The following BSG variants were observed in gnomAD, a reference collection of about 807,000 sequenced individuals.
BSG encodes the protein basigin (Ok blood group).
A neutral mutation model predicts 43.1 loss-of-function variants in BSG; 37 were observed. The observed-to-expected ratio is 0.86, with a 90% confidence interval of 0.66 to 1.13. The LOEUF is 1.13. Among genes scored for constraint, BSG ranks in the 50% most tolerant of loss-of-function variants. The pLI, the probability that BSG is intolerant of heterozygous loss-of-function variation, is 0.00. For synonymous variants in BSG, 309 were observed against 238.7 expected, an observed-to-expected ratio of 1.29 and a Z score of -2.72; for missense variants, 599 against 554.2, an observed-to-expected ratio of 1.08 and a Z score of -0.81.
At chr19:571,838 T>G, upstream of BSG, 1 of 531,668 alleles carries the variant, frequency 1.9e-6, no homozygotes, top group Non-Finnish European at 3.4e-6. Flanking sequence ...TGGCTAAAAC[T>G]TAAAACTTTT....
chr19:576,147 A>T (rs1981753218), intron 1 of BSG, among the ~76,000 whole-genome samples: 1 of 152,232 alleles, frequency 6.6e-6, no homozygotes, highest in Non-Finnish European at 1.5e-5. Context: ...GGCTGGGGGC[A>T]GCTCGGCTGC....
chr19:580,081 G>C (rs980452742), intron 3 of BSG: 3 of 451,276 alleles, frequency 6.6e-6, no homozygotes, highest in East Asian at 4.2e-5. Context: ...AGAGCCTTTT[G>C]TTTTCAGGCT....
chr19:578,569 A>G (rs1981991135), intron 2 of BSG, among the ~76,000 whole-genome samples: 1 of 152,252 alleles, frequency 6.6e-6, no homozygotes, highest in African/African-American at 2.4e-5. Context: ...GGAATATTGT[A>G]AACTAACCAA....
intron 1 of BSG, chr19:575,176 C>CGGTGTAGCCGTGTGT (rs1470677665): frequency 6.6e-6 from 1 of 152,298 alleles, no homozygotes; most frequent in Non-Finnish European, 1.5e-5. Context: ...CGCCGTGCAG[C>CGGTGTAGCCGTGTGT]GGTGTAGCCG....
At chr19:579,819 G>T (rs1982129060) in intron 3 of BSG, 163 bp downstream of exon 3, 1 of 1,114,232 alleles carries the variant, frequency 9.0e-7, no homozygotes, top group Non-Finnish European at 1.2e-6. Flanking sequence ...CCCCAGGGAG[G>T]GGTCTGAGGG....
At position 582,781 on chromosome 19, in the gene BSG, G is replaced by GCGC. The variant is rs892187731; in HGVS notation, c.*46_*48dup. 10 of 607,026 alleles carry GCGC rather than the reference G, an allele frequency of 1.6e-5. No homozygotes were observed. Among genetic ancestry groups the GCGC allele is most frequent in the Non-Finnish European group, 2.6e-5 (9 of 344,544 alleles). The allele number at this position is 607,026 out of a possible 1,614,324, so 37.6% of individuals were successfully genotyped here. On this transcript the variant is annotated 3_prime_UTR_variant, in exon 9 of 9. Coordinates refer to ENST00000333511, the MANE Select transcript of BSG (RefSeq NM_001728.4). ...CGAGGACGCTCCCTGCTCCACGTCT[G>GCGC]CGCCGCCGCCGGAGTCCACTCCCAG...
At chr19:576,997 A>T (rs1443333310) in intron 1 of BSG, among the ~76,000 whole-genome samples, 1 of 151,586 alleles carries the variant, frequency 6.6e-6, no homozygotes, top group Non-Finnish European at 1.5e-5. Flanking sequence ...GTGCCTGGGG[A>T]GTCTGACCTC....
chr19:571,405 C>T, upstream of BSG: 1 of 667,340 alleles, frequency 1.5e-6, no homozygotes, highest in Non-Finnish European at 2.7e-6. Context: ...AAGAGACGCC[C>T]CCACCTGTGT....
rs117305685 is a variant in BSG, at chr19:573,778, C to T, written c.67+1077C>T. The stretch of plus-strand genomic sequence containing the variant: ...AAAGTCGTTTTTAGCCGACTCTGAC[C>T]CGCATTCGGTTTCCAGTGCTGTCTT... On this transcript the variant is annotated intron_variant, in intron 1 of 8. Coordinates refer to ENST00000333511, the MANE Select transcript of BSG (RefSeq NM_001728.4). Among the ~76,000 whole-genome samples, 380 of 152,314 alleles carry T rather than the reference C, an allele frequency of 2.5e-3. 2 individuals carry two copies. Among genetic ancestry groups the T allele is most frequent in the Non-Finnish European group, 3.8e-3 (256 of 68,036 alleles).
At chr19:571,850 T>TA (rs1981266033), upstream of BSG, 3 of 503,686 alleles carry the variant, frequency 6.0e-6, no homozygotes, top group East Asian at 1.0e-4. Context: ...AAAACTTTTT[T>TA]AAAATAGGGT....
At chr19:580,314 A>G in intron 3 of BSG, 65 bp from the exon 4 acceptor site, 1 of 1,482,640 alleles carries the variant, frequency 6.7e-7, no homozygotes, top group Non-Finnish European at 9.3e-7. Flanking sequence ...CCCCTGGAGA[A>G]CCCTGGGTCC....
At chr19:578,725 G>A (rs28921987) in intron 2 of BSG, 481 of 290,688 alleles carry the variant, frequency 1.7e-3, no homozygotes, top group Non-Finnish European at 2.7e-3. Context: ...GGCCGGGGGT[G>A]CTGTGGCTAT....
At chr19:582,442 G>A (rs938519745) in intron 7 of BSG, 72 bp from the exon 8 acceptor site, 98 of 1,597,008 alleles carry the variant, frequency 6.1e-5, no homozygotes, top group Non-Finnish European at 7.1e-5. Context: ...CCTGGGGGCC[G>A]GGGTGGGCAG....
chr19:579,766 G>C (rs1982122946), intron 3 of BSG, 110 bp downstream of exon 3: 1 of 1,458,094 alleles, frequency 6.9e-7, no homozygotes, highest in Admixed American at 2.5e-5. Context: ...CTTGATCCAG[G>C]CGGAAGTTAG....
chr19:582,700 G>A, intron 8 of BSG, 50 bp from the exon 9 acceptor site: 3 of 1,141,992 alleles, frequency 2.6e-6, no homozygotes, highest in Non-Finnish European at 2.5e-6. Context: ...GGTCCCGCCT[G>A]TGGGTCGCTG....
chr19:577,811 G>A lies in BSG; in HGVS notation c.105G>A (p.Trp35Ter). Residue 35 changes from tryptophan to a stop codon, truncating the protein, a stop_gained, in exon 2 of 9, where the codon TGG (tryptophan) becomes TGA (stop). Coordinates refer to ENST00000333511, the MANE Select transcript of BSG (RefSeq NM_001728.4). LOFTEE classifies it high-confidence loss of function. ...AGGCGCCGCTGTCCCAGCAGAGGTG[G>A]GTGGGGGGCAGTGTGGAGCTGCACT... ...FVQAPLSQQR[W>*]VGGSVELHCE... The A allele has an allele frequency of 6.9e-7, 1 of 1,458,868 alleles. No individual in the cohort carries two copies. The highest frequency in any genetic ancestry group is 1.4e-5 in the South Asian group (1 of 69,030). 90.4% of individuals were successfully genotyped at this position (1,458,868 alleles called of 1,614,324 possible).
At chr19:573,101 G>C (rs186679090) in intron 1 of BSG, among the ~76,000 whole-genome samples, 2 of 137,380 alleles carry the variant, frequency 1.5e-5, no homozygotes, top group East Asian at 4.4e-4. Flanking sequence ...GTCTGCGAAG[G>C]CGGTTGGAGG....
At position 579,717 on chromosome 19, in the gene BSG, C is replaced by T. The variant is rs534935683; in HGVS notation, c.572+61C>T. ...CTTCTCACGGCTCTCTTGCCGCCAG[C>T]GGCCTGTGGTCCGTGAGAACAAAAG... On this transcript the variant is annotated intron_variant, in intron 3 of 8. Transcript: ENST00000333511. The T allele has an allele frequency of 9.7e-6, 15 of 1,550,442 alleles. No individual in the cohort carries two copies. In the East Asian group the frequency reaches 2.3e-4, roughly 23 times the overall value.
intron 2 of BSG, chr19:579,141 G>A (rs1476710527): frequency 4.2e-6 from 2 of 475,748 alleles, no homozygotes; most frequent in Non-Finnish European, 8.3e-6. Flanking sequence ...TGGGTGCCTT[G>A]TCTGTCCCCA....
Sources: gnomAD v4.1 joint callset for allele counts (sites outside exome capture counted in the v4.1 genomes callset) on GRCh38, gnomAD v4.1.1 for gene constraint, MANE v1.5 for transcripts, NCBI Gene and HGNC (gene_info 2026-07-23, HGNC 2026-07-21) for gene names.